Variants in LNP1 observed in about 807,000 individuals in gnomAD.
LNP1 encodes leukemia NUP98 fusion partner 1.
LNP1 carries 12 observed loss-of-function variants against 14.5 expected under a neutral mutation model. The observed-to-expected ratio is 0.83, with a 90% CI of 0.53 to 1.34. LNP1 has a LOEUF of 1.34. Ranked by LOEUF, LNP1 falls within the 40% of genes most tolerant of loss-of-function variation. The pLI, the probability that LNP1 is intolerant of heterozygous loss-of-function variation, is 0.00. For missense variants in LNP1, 198 were observed against 210.9 expected (o/e 0.94, Z 0.38); for synonymous variants, 75 against 71.4 (o/e 1.05, Z -0.26).
At position 100,419,559 on chromosome 3, in the gene LNP1, C is replaced by T. The variant is rs185481701; in HGVS notation, c.-33-10138C>T. Among the ~76,000 whole-genome samples the T allele has an allele frequency of 1.4e-4, 21 of 152,134 alleles. No individual in the cohort carries two copies. In the East Asian group the frequency reaches 3.9e-3, roughly 28 times the overall value. ...TTATCACATCCATAGCTTTGTGTAA[C>T]TGTCACAATCAAAGTACAGAACTGG... On this transcript the variant is annotated intron_variant, in intron 1 of 3. Transcript: ENST00000383693.
chr3:100,411,146 C>T lies in LNP1; in HGVS notation c.-34+8707C>T, dbSNP rs981587770. ...TAGCTTTAAGATCCAAAGGAATTTT[C>T]CTTGCTAGATTTTGGACTTGTTACA... On this transcript the variant is annotated intron_variant, in intron 1 of 3. Transcript: ENST00000383693. 2.6e-5 allele frequency among the ~76,000 whole-genome samples: 4 copies of T among 152,184 alleles called. No individual in the cohort carries two copies. In the East Asian group the frequency reaches 5.8e-4, roughly 22 times the overall value.
chr3:100,452,521 G>GT (rs1707469919), intron 3 of LNP1, among the ~76,000 whole-genome samples: 1 of 151,930 alleles, frequency 6.6e-6, no homozygotes, highest in African/African-American at 2.4e-5. Context: ...AGTTTCTTGA[G>GT]CCTGCTTTCA....
intron 2 of LNP1, among the ~76,000 whole-genome samples, chr3:100,440,377 C>T (rs1707334130): frequency 6.6e-6 from 1 of 152,168 alleles, no homozygotes; most frequent in East Asian, 1.9e-4. Context: ...ATTATTTTTT[C>T]TTTTTTACAT....
At chr3:100,454,017 T>C (rs1166059626) in intron 3 of LNP1, among the ~76,000 whole-genome samples, 1 of 152,232 alleles carries the variant, frequency 6.6e-6, no homozygotes, top group Non-Finnish European at 1.5e-5. Flanking sequence ...CGACATTAGC[T>C]AATATTATTA....
chr3:100,415,749 G>T (rs1272052954), intron 1 of LNP1, among the ~76,000 whole-genome samples: 1 of 152,128 alleles, frequency 6.6e-6, no homozygotes, highest in Non-Finnish European at 1.5e-5. Flanking sequence ...AGAATGGATG[G>T]ATTATTATAA....
intron 2 of LNP1, among the ~76,000 whole-genome samples, chr3:100,430,712 T>C (rs1161916820): frequency 1.3e-5 from 2 of 152,122 alleles, no homozygotes; most frequent in African/African-American, 2.4e-5. Context: ...CCAAGTAAGT[T>C]TTGTTTGGGG....
chr3:100,416,085 A>C (rs1167757358), intron 1 of LNP1, among the ~76,000 whole-genome samples: 1 of 152,238 alleles, frequency 6.6e-6, no homozygotes, highest in Non-Finnish European at 1.5e-5. Context: ...GCAAGGCAGA[A>C]GGCAGATAAT....
Position 100,451,945 on chromosome 3 carries a change from C to G in LNP1, c.383C>G (p.Ser128Cys). The G allele has an allele frequency of 1.2e-6, 2 of 1,607,742 alleles. No individual in the cohort carries two copies. The highest frequency in any genetic ancestry group is 2.2e-5 in the East Asian group (1 of 44,846). ...QLCFRTKRSA[S>C]LGPESRKERN... ...TGCTTTAGAACCAAGCGTTCTGCCT[C>G]TTTGGTATGTAACAGAGCTACTGAA... Residue 128 changes from serine (S) to cysteine (C), a missense_variant, in exon 3 of 4, where the codon TCT (serine) becomes TGT (cysteine). By Grantham distance (112) the Ser-to-Cys change is moderately radical. Coordinates refer to ENST00000383693, the MANE Select transcript of LNP1 (RefSeq NM_001085451.2).
intron 1 of LNP1, among the ~76,000 whole-genome samples, chr3:100,406,523 T>C (rs192406825): frequency 8.4e-4 from 128 of 152,122 alleles, no homozygotes; most frequent in Middle Eastern, 6.8e-3. Flanking sequence ...TTTGATTGCT[T>C]GATTTTTATT....
At chr3:100,452,184 G>A (rs564044954) in intron 3 of LNP1, among the ~76,000 whole-genome samples, 39 of 150,164 alleles carry the variant, frequency 2.6e-4, no homozygotes, top group African/African-American at 9.5e-4. Context: ...TGTTACCAAA[G>A]TCTTCTAGTT....
At chr3:100,420,142 T>TTTCCTGTAC (rs2148901238) in intron 1 of LNP1, among the ~76,000 whole-genome samples, 1 of 152,362 alleles carries the variant, frequency 6.6e-6, no homozygotes, top group East Asian at 1.9e-4. Context: ...TTGAACATCT[T>TTTCCTGTAC]TTCCTGTACT....
At chr3:100,443,743 A>G (rs1334772356) in intron 2 of LNP1, among the ~76,000 whole-genome samples, 1 of 152,198 alleles carries the variant, frequency 6.6e-6, no homozygotes, top group South Asian at 2.1e-4. Context: ...GCCTTGGTAA[A>G]ATAAGAAGTT....
Position 100,450,902 on chromosome 3 carries a change from TAGAG to T in LNP1, c.157-808_157-805del, listed in dbSNP as rs146719329. Among the ~76,000 whole-genome samples the T allele has an allele frequency of 7.5e-3, 1,131 of 151,806 alleles. 15 individuals are homozygous for T. Among genetic ancestry groups the T allele is most frequent in the African/African-American group, 0.026 (1,065 of 41,334 alleles). On this transcript the variant is annotated intron_variant, in intron 2 of 3. Transcript: ENST00000383693. Reference sequence around the variant, plus strand: ...CTCCAAAAATAAATAAATAAATAAATAGAGAGAGAGAGGAGTTGTACAGCAAAAT... The same window carrying T: ...CTCCAAAAATAAATAAATAAATAAATAGAGAGAGGAGTTGTACAGCAAAAT...
At chr3:100,431,990 GTTTATATATATATATATATATATATA>G (rs1382692429) in intron 2 of LNP1, among the ~76,000 whole-genome samples, 1,527 of 94,916 alleles carry the variant, frequency 0.016, 138 homozygotes, top group Admixed American at 0.075. Flanking sequence ...ATGAGACCTT[GTTTATATATATATATATATATATATA>G]TATATATATA....
chr3:100,409,956 C>CATCTATCTATCTATCT lies in LNP1; in HGVS notation c.-34+7547_-34+7562dup, dbSNP rs71625560. Among the ~76,000 whole-genome samples, 299 of 149,512 alleles carry CATCTATCTATCTATCT rather than the reference C, an allele frequency of 2.0e-3. 1 individual carries two copies. Among genetic ancestry groups the CATCTATCTATCTATCT allele is most frequent in the African/African-American group, 4.2e-3 (169 of 40,488 alleles). ...CATAAATATATATGTACATAGCTTA[C>CATCTATCTATCTATCT]ATCTATCTATCTATCTATCTATCTA... On this transcript the variant is annotated intron_variant, in intron 1 of 3. Coordinates refer to ENST00000383693, the MANE Select transcript of LNP1 (RefSeq NM_001085451.2).
chr3:100,407,592 T>C (rs1490771646), intron 1 of LNP1, among the ~76,000 whole-genome samples: 2 of 152,216 alleles, frequency 1.3e-5, no homozygotes, highest in Non-Finnish European at 2.9e-5. Context: ...TGAATCTAAT[T>C]GCAAATCTTT....
chr3:100,434,584 A>G (rs577714534), intron 2 of LNP1, among the ~76,000 whole-genome samples: 48 of 150,236 alleles, frequency 3.2e-4, no homozygotes, highest in African/African-American at 1.1e-3. Context: ...GCTGGAGTGC[A>G]GTGGTGAGAT....
chr3:100,443,606 T>A (rs151006934), intron 2 of LNP1, among the ~76,000 whole-genome samples: 1 of 152,340 alleles, frequency 6.6e-6, no homozygotes, highest in African/African-American at 2.4e-5. Flanking sequence ...ATTCTTTACT[T>A]ACCACAGGTC....
chr3:100,438,397 A>G (rs567823809), intron 2 of LNP1, among the ~76,000 whole-genome samples: 4 of 151,946 alleles, frequency 2.6e-5, no homozygotes, highest in Non-Finnish European at 5.9e-5. Flanking sequence ...AGATATGCAT[A>G]CCTCTCCCAT....
Sources: allele counts gnomAD v4.1 joint callset (sites outside exome capture counted in the v4.1 genomes callset), GRCh38; gene constraint gnomAD v4.1.1; transcripts MANE v1.5; gene names NCBI Gene and HGNC (gene_info 2026-07-23, HGNC 2026-07-21).